ELMOD1: variants seen among roughly 807,000 people sequenced by gnomAD.
ELMOD1 encodes ELMO domain containing 1, also known as ELMO domain-containing protein 1.
Under a neutral mutation model 46.7 loss-of-function variants are expected in ELMOD1, and 21 were observed. The observed-to-expected ratio is 0.45, with a 90% CI of 0.32 to 0.65. The LOEUF is 0.65. Among genes scored for constraint, ELMOD1 ranks in the 30% least tolerant of loss-of-function variants. The pLI is 0.04. For missense variants in ELMOD1, 348 were observed against 407.8 expected, an observed-to-expected ratio of 0.85 and a Z score of 1.26; for synonymous variants, 122 against 138.2, an observed-to-expected ratio of 0.88 and a Z score of 0.82.
At chr11:107,595,858 A>G (rs1865483961) in intron 1 of ELMOD1, among the ~76,000 whole-genome samples, 1 of 152,062 alleles carries the variant, frequency 6.6e-6, no homozygotes, top group African/African-American at 2.4e-5. Context: ...TATGGTTCCA[A>G]GGGATGAATA....
At position 107,611,704 on chromosome 11, in the gene ELMOD1, CAAAAAAAAAAAA is replaced by C. The variant is rs71470853; in HGVS notation, c.-85-6388_-85-6377del. ...TGGGCAACAGAGCCAGACTCCATCT[CAAAAAAAAAAAA>C]AAAAAAAAAAAAGTGGGCAAAAGAC... is the stretch of plus-strand genomic sequence containing the variant. On this transcript the variant is annotated intron_variant, in intron 1 of 11. Transcript: ENST00000265840. Among the ~76,000 whole-genome samples, 18 of 55,800 alleles carry C rather than the reference CAAAAAAAAAAAA, an allele frequency of 3.2e-4. No individual in the cohort carries two copies. The South Asian group carries it at 0.013, about 41-fold the overall frequency. 36.6% of individuals were successfully genotyped at this position (55,800 alleles called of 152,430 possible).
intron 1 of ELMOD1, among the ~76,000 whole-genome samples, chr11:107,608,320 T>C (rs1246691719): frequency 6.6e-6 from 1 of 151,662 alleles, no homozygotes; most frequent in Non-Finnish European, 1.5e-5. Context: ...TGATTTGAAA[T>C]ATTTTACCAG....
chr11:107,664,640 CGAGTG>C (rs1236143888), intron 11 of ELMOD1, among the ~76,000 whole-genome samples: 1 of 151,996 alleles, frequency 6.6e-6, no homozygotes, highest in Non-Finnish European at 1.5e-5. Context: ...GAATAAAGTC[CGAGTG>C]GAGTGATTTT....
chr11:107,600,756 C>T (rs1168250389), intron 1 of ELMOD1: 1 of 152,790 alleles, frequency 6.5e-6, no homozygotes, highest in African/African-American at 2.4e-5. Flanking sequence ...AAAGCCAACA[C>T]ACACATCTGT....
chr11:107,645,089 A>ATTTTT (rs11390120), intron 6 of ELMOD1, among the ~76,000 whole-genome samples: 18 of 103,188 alleles, frequency 1.7e-4, no homozygotes, highest in African/African-American at 3.5e-4. Context: ...TGCCTGGCTA[A>ATTTTT]TTTTTTTTTT....
chr11:107,611,011 A>AAG (rs1212045647), intron 1 of ELMOD1, among the ~76,000 whole-genome samples: 14 of 150,962 alleles, frequency 9.3e-5, no homozygotes, highest in Non-Finnish European at 1.8e-4. Context: ...AAAAAAAAAA[A>AAG]AAAAAAGAAA....
rs1866608607 is a variant in ELMOD1, at chr11:107,655,354, A to G, written c.699-579A>G. Among the ~76,000 whole-genome samples the G allele has an allele frequency of 2.0e-5, 3 of 152,288 alleles. No homozygotes were observed. The South Asian group carries it at 6.2e-4, about 32-fold the overall frequency. On this transcript the variant is annotated intron_variant, in intron 10 of 11. Transcript: ENST00000265840. ...TATTAAAAATGCTATAATGAATTAT[A>G]TCTATAAAGCTTTGTCCACTTCGGA...
chr11:107,624,828 A>G (rs1013033715), intron 2 of ELMOD1, among the ~76,000 whole-genome samples: 1 of 152,182 alleles, frequency 6.6e-6, no homozygotes, highest in African/African-American at 2.4e-5. Flanking sequence ...TTTCCCTGGA[A>G]TATATTATAA....
chr11:107,631,068 T>C (rs946595253), intron 4 of ELMOD1, among the ~76,000 whole-genome samples: 1 of 152,178 alleles, frequency 6.6e-6, no homozygotes, highest in Non-Finnish European at 1.5e-5. Context: ...TTTAACATTA[T>C]ACTTAAGATT....
chr11:107,662,320 GT>G (rs927296500), intron 11 of ELMOD1, among the ~76,000 whole-genome samples: 34 of 152,014 alleles, frequency 2.2e-4, no homozygotes, highest in Non-Finnish European at 3.7e-4. Flanking sequence ...ATTCTAAAAA[GT>G]TTTTTGTGGG....
At chr11:107,659,737 A>G (rs969232708) in intron 11 of ELMOD1, among the ~76,000 whole-genome samples, 1 of 151,704 alleles carries the variant, frequency 6.6e-6, no homozygotes, top group Non-Finnish European at 1.5e-5. Context: ...TGTTTTTTGC[A>G]GGAGAAAGGA....
chr11:107,660,414 C>T (rs754476946), intron 11 of ELMOD1, among the ~76,000 whole-genome samples: 1 of 152,190 alleles, frequency 6.6e-6, no homozygotes, highest in Non-Finnish European at 1.5e-5. Context: ...GTCTAAAGCT[C>T]CACTGAACAC....
intron 11 of ELMOD1, among the ~76,000 whole-genome samples, chr11:107,662,532 C>T (rs1224096117): frequency 6.6e-6 from 1 of 151,658 alleles, no homozygotes; most frequent in African/African-American, 2.4e-5. Context: ...ATCGCTTGAA[C>T]CCGGGAGGCA....
At chr11:107,609,785 C>T (rs764110780) in intron 1 of ELMOD1, among the ~76,000 whole-genome samples, 13 of 152,202 alleles carry the variant, frequency 8.5e-5, no homozygotes, top group Non-Finnish European at 1.6e-4. Flanking sequence ...TTTGATATGA[C>T]AAGCACAATC....
intron 1 of ELMOD1, among the ~76,000 whole-genome samples, chr11:107,611,589 C>T (rs1865781218): frequency 6.6e-6 from 1 of 151,382 alleles, no homozygotes; most frequent in African/African-American, 2.4e-5. Flanking sequence ...CCTGTAGTCC[C>T]AGCTACTCTG....
rs141700581 is a variant in ELMOD1 at position 107,603,772 on chromosome 11, G to A, written c.-86+12363G>A. ...CATGCCTCGTGATCCCAGCTACTCG[G>A]GAGGCTGAGGCAGGAGAATTGCTTG... On this transcript the variant is annotated intron_variant, in intron 1 of 11. Transcript: ENST00000265840. Among the ~76,000 whole-genome samples the A allele has an allele frequency of 4.7e-3, 721 of 152,106 alleles. 2 individuals are homozygous for A. Among genetic ancestry groups the A allele is most frequent in the African/African-American group, 0.016 (657 of 41,476 alleles).
intron 10 of ELMOD1, among the ~76,000 whole-genome samples, chr11:107,654,652 C>A (rs1474409978): frequency 6.6e-6 from 1 of 151,758 alleles, no homozygotes; most frequent in Non-Finnish European, 1.5e-5. Context: ...GCCTGTAGTC[C>A]CAGCTACTCG....
chr11:107,626,314 C>G (rs79559298), intron 2 of ELMOD1, among the ~76,000 whole-genome samples: 7,150 of 142,202 alleles, frequency 0.05, 285 homozygotes, highest in East Asian at 0.21. Context: ...GTACAAGAGA[C>G]AGTAAGTGGG....
At chr11:107,653,198 G>A (rs1866556188) in intron 9 of ELMOD1, among the ~76,000 whole-genome samples, 1 of 152,082 alleles carries the variant, frequency 6.6e-6, no homozygotes, top group Non-Finnish European at 1.5e-5. Context: ...AATGGAACAT[G>A]AGTCCTGCCT....
Sources: allele counts gnomAD v4.1 joint callset (sites outside exome capture counted in the v4.1 genomes callset), GRCh38; gene constraint gnomAD v4.1.1; transcripts MANE v1.5; gene names NCBI Gene and HGNC (gene_info 2026-07-23, HGNC 2026-07-21).